SKAP2: variants seen among roughly 807,000 people sequenced by gnomAD.
SKAP2 encodes src kinase-associated phosphoprotein 2.
In SKAP2, 28 loss-of-function variants were observed where a neutral mutation model predicts 54.9. The ratio of observed to expected loss-of-function variants is 0.51; its 90% CI spans 0.38 to 0.70. The LOEUF (loss-of-function observed/expected upper bound fraction) is 0.70. Ranked by LOEUF, SKAP2 falls within the 30% of genes least tolerant of loss-of-function variation. The probability of loss-of-function intolerance (pLI) is 0.00; values close to 1 mark genes in which losing one functional copy is unlikely to be tolerated. For synonymous variants in SKAP2, 137 were observed against 134.3 expected (o/e 1.02, Z -0.14); for missense variants, 356 against 424.1 (o/e 0.84, Z 1.41).
intron 10 of SKAP2, among the ~76,000 whole-genome samples, chr7:26,687,722 G>A (rs1231865164): frequency 2.6e-5 from 4 of 151,932 alleles, no homozygotes; most frequent in African/African-American, 4.8e-5. Context: ...ATTAAGCACC[G>A]ACAGCCTCAA....
intron 4 of SKAP2, among the ~76,000 whole-genome samples, chr7:26,842,892 C>A (rs1249432577): frequency 2.0e-5 from 3 of 151,204 alleles, no homozygotes; most frequent in Admixed American, 1.3e-4. Context: ...CAAAAAAAAA[C>A]CCTCCCTTTA....
intron 4 of SKAP2, among the ~76,000 whole-genome samples, chr7:26,833,313 G>A (rs1784635728): frequency 6.7e-6 from 1 of 150,270 alleles, no homozygotes; most frequent in African/African-American, 2.4e-5. Flanking sequence ...GGAGAATGGA[G>A]TGAACCCAGG....
At chr7:26,751,668 C>A (rs1468203) in intron 4 of SKAP2, among the ~76,000 whole-genome samples, 106,969 of 151,974 alleles carry the variant, frequency 0.7, 37,925 homozygotes, top group East Asian at 0.9. Flanking sequence ...ACACACACAC[C>A]ATTTGTTTTC....
At chr7:26,779,056 CA>C (rs1783371576) in intron 4 of SKAP2, among the ~76,000 whole-genome samples, 1 of 151,824 alleles carries the variant, frequency 6.6e-6, no homozygotes, top group Non-Finnish European at 1.5e-5. Flanking sequence ...GAATGAGTGA[CA>C]AGATTTAATT....
At chr7:26,861,615 CTTTTT>C (rs34331819) in intron 1 of SKAP2, among the ~76,000 whole-genome samples, 7 of 116,134 alleles carry the variant, frequency 6.0e-5, no homozygotes, top group South Asian at 2.7e-4. Context: ...ATAACAACCT[CTTTTT>C]TTTTTTTTTT....
chr7:26,804,609 C>G (rs538573118), intron 4 of SKAP2, among the ~76,000 whole-genome samples: 59 of 151,712 alleles, frequency 3.9e-4, no homozygotes, highest in Non-Finnish European at 3.2e-4. Context: ...CATGGTGGCA[C>G]GCACCTGTAG....
intron 11 of SKAP2, among the ~76,000 whole-genome samples, chr7:26,673,618 G>A (rs1786287762): frequency 6.6e-6 from 1 of 151,968 alleles, no homozygotes; most frequent in Non-Finnish European, 1.5e-5. Flanking sequence ...CAAAATGGAT[G>A]GCTTCAAGGC....
chr7:26,688,600 A>C (rs1453728145), intron 10 of SKAP2, among the ~76,000 whole-genome samples: 1 of 152,190 alleles, frequency 6.6e-6, no homozygotes, highest in African/African-American at 2.4e-5. Context: ...AAAGCATTAA[A>C]ACTGTTGCTT....
chr7:26,801,369 A>G (rs1783911720), intron 4 of SKAP2, among the ~76,000 whole-genome samples: 1 of 152,178 alleles, frequency 6.6e-6, no homozygotes, highest in East Asian at 1.9e-4. Context: ...AACATAATAA[A>G]AGCCATACAT....
At chr7:26,707,217 G>A (rs879330658) in intron 9 of SKAP2, among the ~76,000 whole-genome samples, 26 of 151,858 alleles carry the variant, frequency 1.7e-4, no homozygotes, top group African/African-American at 5.6e-4. Flanking sequence ...AAAATTAGCT[G>A]GGCATGGTGG....
intron 4 of SKAP2, among the ~76,000 whole-genome samples, chr7:26,749,859 A>C (rs1782644062): frequency 6.6e-6 from 1 of 151,822 alleles, no homozygotes; most frequent in South Asian, 2.1e-4. Flanking sequence ...TCCATACTAT[A>C]AGCTTAAATA....
intron 4 of SKAP2, among the ~76,000 whole-genome samples, chr7:26,832,963 G>A (rs367571899): frequency 3.3e-5 from 5 of 152,046 alleles, no homozygotes; most frequent in South Asian, 2.1e-4. Context: ...TTGTGTATTC[G>A]GGCTAAATCC....
the SKAP2 span, among the ~76,000 whole-genome samples, chr7:26,660,619 A>G: frequency 7.2e-5 from 11 of 152,174 alleles, no homozygotes; most frequent in Admixed American, 4.6e-4. Context: ...CTTTAATCAC[A>G]GTTGCCACAA....
chr7:26,764,202 G>A (rs1238599896), intron 4 of SKAP2, among the ~76,000 whole-genome samples: 1 of 152,102 alleles, frequency 6.6e-6, no homozygotes, highest in Non-Finnish European at 1.5e-5. Context: ...AGGAAGGTGT[G>A]GGTATATATG....
At chr7:26,850,867 G>A (rs1785024861) in intron 3 of SKAP2, among the ~76,000 whole-genome samples, 1 of 152,040 alleles carries the variant, frequency 6.6e-6, no homozygotes, top group African/African-American at 2.4e-5. Context: ...ATCAAGACTT[G>A]CACATGTAAA....
chr7:26,850,515 G>A (rs1248579549), intron 3 of SKAP2, among the ~76,000 whole-genome samples: 1 of 151,818 alleles, frequency 6.6e-6, no homozygotes, highest in Non-Finnish European at 1.5e-5. Flanking sequence ...AGCTGGGGGA[G>A]GCTGAGGCTG....
rs1004200171 is a variant in SKAP2, at chr7:26,864,588, G to A, written c.-159C>T. The A allele has an allele frequency of 2.1e-6, 3 of 1,405,356 alleles. No homozygotes were observed. Among genetic ancestry groups the A allele is most frequent in the African/African-American group, 3.0e-5 (2 of 67,266 alleles). The allele number at this position is 1,405,356 out of a possible 1,614,324, so 87.1% of individuals were successfully genotyped here. A position where few individuals can be genotyped will look rare whatever the true frequency, so the allele number is the denominator to read the frequency against. On this transcript the variant is annotated 5_prime_UTR_variant, in exon 1 of 13. Transcript: ENST00000345317. The stretch of plus-strand genomic sequence containing the variant: ...CCGGGCCGGGGCTCACAACAAGGAA[G>A]TCACTGAATCTCCAGCGAGCTGCAG...
At chr7:26,758,499 A>T (rs1697653799) in intron 4 of SKAP2, among the ~76,000 whole-genome samples, 1 of 152,134 alleles carries the variant, frequency 6.6e-6, no homozygotes, top group Non-Finnish European at 1.5e-5. Context: ...CTATTCTTCA[A>T]ATAGTCCAAG....
chr7:26,755,302 TC>T (rs1356771857), intron 4 of SKAP2, among the ~76,000 whole-genome samples: 1 of 140,276 alleles, frequency 7.1e-6, no homozygotes, highest in East Asian at 1.9e-4. Flanking sequence ...TTAGTCCAAT[TC>T]TTTCTCACCA....
Sources: gnomAD v4.1 joint callset for allele counts (sites outside exome capture counted in the v4.1 genomes callset) on GRCh38, gnomAD v4.1.1 for gene constraint, MANE v1.5 for transcripts, NCBI Gene and HGNC (gene_info 2026-07-23, HGNC 2026-07-21) for gene names.